The following PLS3 variants were observed in gnomAD, a reference collection of about 807,000 sequenced individuals.
The protein encoded by PLS3 is plastin-3.
Under a neutral mutation model 46.5 loss-of-function variants are expected in PLS3, and 11 were observed. That is an observed-to-expected ratio of 0.24 (90% CI 0.15 to 0.39). The LOEUF is 0.39. Among genes scored for constraint, PLS3 ranks in the 10% least tolerant of loss-of-function variants. The pLI is 1.00. For missense variants in PLS3, 308 were observed against 461.8 expected, an observed-to-expected ratio of 0.67 and a Z score of 3.05; for synonymous variants, 167 against 162.2, an observed-to-expected ratio of 1.03 and a Z score of -0.22.
chrX:115,567,060 C>T (rs1198323121), intron 1 of PLS3, among the ~76,000 whole-genome samples: 2 of 111,945 alleles, frequency 1.8e-5, no homozygotes, highest in African/African-American at 6.5e-5. Context: ...TGTTTTTCCC[C>T]TTTTTAACTA....
chrX:115,606,893 C>T (rs2074498836), intron 1 of PLS3, among the ~76,000 whole-genome samples: 1 of 110,950 alleles, frequency 9.0e-6, no homozygotes, highest in Non-Finnish European at 1.9e-5. Flanking sequence ...GTCTTGAACT[C>T]TTGGCCTCAA....
chrX:115,630,861 T>A (rs1569528507), intron 5 of PLS3, among the ~76,000 whole-genome samples: 17 of 79,363 alleles, frequency 2.1e-4, no homozygotes, highest in Admixed American at 5.9e-4. Context: ...TATATGTATA[T>A]TATACATGTA....
At chrX:115,622,192 A>C in intron 2 of PLS3, 54 bp from the exon 3 acceptor site, 2 of 989,669 alleles carry the variant, frequency 2.0e-6, no homozygotes, top group Admixed American at 5.0e-5. Flanking sequence ...AAATACTCTA[A>C]CTTCTGTCTT....
rs143258019 is a variant in PLS3, at chrX:115,637,505, T to C, written c.891+527T>C. On this transcript the variant is annotated intron_variant, in intron 8 of 15. Transcript: ENST00000355899. ...CTACTAAAGCCAACTTAAAACATAG[T>C]ATGTGGCATATACAAGTCCCTCATA... Among the ~76,000 whole-genome samples the C allele has an allele frequency of 7.9e-3, 881 of 111,929 alleles. 10 individuals are homozygous for C. Among genetic ancestry groups the C allele is most frequent in the African/African-American group, 0.027 (821 of 30,800 alleles).
intron 5 of PLS3, among the ~76,000 whole-genome samples, chrX:115,630,908 CAT>C (rs1491513368): frequency 1.2e-5 from 1 of 85,902 alleles, no homozygotes; most frequent in Admixed American, 1.5e-4. Context: ...GTATATTATA[CAT>C]GTATATATGT....
chrX:115,592,375 C>A (rs1025318140), intron 1 of PLS3, among the ~76,000 whole-genome samples: 2 of 111,514 alleles, frequency 1.8e-5, no homozygotes, highest in African/African-American at 3.3e-5. Flanking sequence ...TGTGGAATAG[C>A]TCCATTGTTA....
At chrX:115,644,157 T>C (rs782473953) in intron 10 of PLS3, among the ~76,000 whole-genome samples, 52 of 111,112 alleles carry the variant, frequency 4.7e-4, no homozygotes, top group African/African-American at 1.5e-3. Context: ...TCATCCACAG[T>C]CAATGTAACT....
At chrX:115,612,231 T>C (rs1556636210) in intron 2 of PLS3, among the ~76,000 whole-genome samples, 1 of 111,608 alleles carries the variant, frequency 9.0e-6, no homozygotes, top group African/African-American at 3.2e-5. Flanking sequence ...AGATTTTCAT[T>C]ACAGTGGAAT....
intron 1 of PLS3, among the ~76,000 whole-genome samples, chrX:115,589,921 C>T (rs2074333752): frequency 8.9e-6 from 1 of 111,962 alleles, no homozygotes; most frequent in South Asian, 3.7e-4. Context: ...TGCAGTGGTG[C>T]AATCTCTGCT....
intron 2 of PLS3, among the ~76,000 whole-genome samples, chrX:115,618,330 C>T (rs1199396468): frequency 4.5e-5 from 5 of 112,123 alleles, no homozygotes; most frequent in African/African-American, 1.6e-4. Flanking sequence ...GTAATCCCAA[C>T]ACTTTGGGAG....
At chrX:115,615,487 CAGAGAGAGAGAGAGAGAGAG>C (rs72382307) in intron 2 of PLS3, among the ~76,000 whole-genome samples, 3 of 73,777 alleles carry the variant, frequency 4.1e-5, no homozygotes, top group African/African-American at 1.6e-4. Flanking sequence ...CACGTGTCAT[CAGAGAGAGAGAGAGAGAGAG>C]AGAGAGAGAG....
Position 115,629,137 on chromosome X carries a change from T to C in PLS3, c.238-61T>C, listed in dbSNP as rs192899387. 2.2e-3 allele frequency: 1,681 copies of C among 775,973 alleles called. 1 individual carries two copies. Among genetic ancestry groups the C allele is most frequent in the Non-Finnish European group, 2.9e-3 (1,521 of 529,657 alleles). 63.9% of individuals were successfully genotyped at this position (775,973 alleles called of 1,213,427 possible). On this transcript the variant is annotated intron_variant, in intron 3 of 15. Transcript: ENST00000355899. ...TGATCAAGATATAAAAGAATATAAATATGCTTATTGTGCATAGTTTGAAAT... is the reference window on the plus strand; with the variant it reads ...TGATCAAGATATAAAAGAATATAAACATGCTTATTGTGCATAGTTTGAAAT...
At chrX:115,575,525 G>A (rs1333753266) in intron 1 of PLS3, among the ~76,000 whole-genome samples, 1 of 111,800 alleles carries the variant, frequency 8.9e-6, no homozygotes, top group African/African-American at 3.3e-5. Context: ...CTCACTGCAA[G>A]CTCCGCCTCC....
At chrX:115,597,830 T>G (rs2074404306) in intron 1 of PLS3, among the ~76,000 whole-genome samples, 1 of 111,822 alleles carries the variant, frequency 8.9e-6, no homozygotes, top group South Asian at 3.8e-4. Context: ...GAGAAAATAC[T>G]GTCAATTTTA....
At chrX:115,629,780 A>G in intron 4 of PLS3, 55 bp from the exon 5 acceptor site, 1 of 800,828 alleles carries the variant, frequency 1.2e-6, no homozygotes, top group South Asian at 2.7e-5. Context: ...TTTGGAGTCA[A>G]ATATTTAATA....
chrX:115,641,471 C>A (rs1556640994), intron 9 of PLS3, among the ~76,000 whole-genome samples: 12 of 110,591 alleles, frequency 1.1e-4, no homozygotes, highest in Non-Finnish European at 3.8e-5. Context: ...AGGTGATCCA[C>A]TCGCCTCGGC....
Position 115,575,708 on chromosome X carries a change from A to G in PLS3, c.-9+14448A>G, listed in dbSNP as rs189847871. On this transcript the variant is annotated intron_variant, in intron 1 of 15. Coordinates refer to ENST00000355899, the MANE Select transcript of PLS3 (RefSeq NM_005032.7). The stretch of plus-strand genomic sequence containing the variant: ...TCCACCCGCCTCGGCCTCCCAAAGT[A>G]CTGGGATTACAGGCGTGAGCCACCG... 2.3e-3 allele frequency among the ~76,000 whole-genome samples: 261 copies of G among 111,319 alleles called. 3 individuals carry two copies. The highest frequency in any genetic ancestry group is 7.9e-3 in the African/African-American group (242 of 30,613).
At chrX:115,629,557 G>C (rs1030327120) in intron 4 of PLS3, among the ~76,000 whole-genome samples, 1 of 111,689 alleles carries the variant, frequency 9.0e-6, no homozygotes, top group African/African-American at 3.3e-5. Context: ...GTAATGACAG[G>C]CTTTATTACA....
In PLS3 at chrX:115,601,839, G is replaced by A. The variant is rs782035883; in HGVS notation, c.-8-8404G>A. On this transcript the variant is annotated intron_variant, in intron 1 of 15. Transcript: ENST00000355899. Reference sequence around the variant, plus strand: ...GAAAGTTGAAAACGAGACCTGATTTGGCAGAAGAAAGAGTTAGAAAAAAAC... The same window carrying A: ...GAAAGTTGAAAACGAGACCTGATTTAGCAGAAGAAAGAGTTAGAAAAAAAC... Among the ~76,000 whole-genome samples the A allele has an allele frequency of 5.4e-5, 6 of 111,353 alleles. No individual in the cohort carries two copies. In the South Asian group the frequency reaches 2.3e-3, roughly 42 times the overall value.
Sources: allele counts gnomAD v4.1 joint callset (sites outside exome capture counted in the v4.1 genomes callset), GRCh38; gene constraint gnomAD v4.1.1; transcripts MANE v1.5; gene names NCBI Gene and HGNC (gene_info 2026-07-23, HGNC 2026-07-21).